RANBP2: variants seen among roughly 807,000 people sequenced by gnomAD.
The protein encoded by RANBP2 is RAN binding protein 2.
RANBP2 carries 57 observed loss-of-function variants against 303.6 expected under a neutral mutation model. That is an observed-to-expected ratio of 0.19 (90% CI 0.15 to 0.23). The LOEUF is 0.23. RANBP2 is among the 10% of genes least tolerant of loss of function. The pLI, the probability that RANBP2 is intolerant of heterozygous loss-of-function variation, is 1.00. For missense variants in RANBP2, 3,138 were observed against 3,780.8 expected (o/e 0.83, Z 4.46); for synonymous variants, 1,167 against 1,301.5 (o/e 0.90, Z 2.23).
At chr2:109,240,908 C>G in the RANBP2 span, among the ~76,000 whole-genome samples, 2 of 147,782 alleles carry the variant, frequency 1.4e-5, no homozygotes, top group Non-Finnish European at 3.0e-5. Flanking sequence ...CTGTCTTGCT[C>G]CCCGCTTCTT....
At chr2:108,845,720 C>T in the RANBP2 span, among the ~76,000 whole-genome samples, 12 of 152,054 alleles carry the variant, frequency 7.9e-5, no homozygotes, top group South Asian at 8.3e-4. Flanking sequence ...TATGGGCACC[C>T]GCCACCACGC....
the RANBP2 span, among the ~76,000 whole-genome samples, chr2:109,035,620 A>G: frequency 6.6e-6 from 1 of 152,100 alleles, no homozygotes; most frequent in Non-Finnish European, 1.5e-5. Flanking sequence ...GCCTGACAAC[A>G]AAAGGAAACC....
chr2:108,935,662 G>A, the RANBP2 span, among the ~76,000 whole-genome samples: 3 of 151,500 alleles, frequency 2.0e-5, no homozygotes, highest in Non-Finnish European at 2.9e-5. Flanking sequence ...ACACACACAC[G>A]CAGACTCTGC....
the RANBP2 span, among the ~76,000 whole-genome samples, chr2:108,944,165 G>A: frequency 6.6e-6 from 1 of 152,196 alleles, no homozygotes; most frequent in African/African-American, 2.4e-5. Context: ...CCAGGCTGGA[G>A]TGCAGTGGCA....
At chr2:109,305,635 T>G in the RANBP2 span, among the ~76,000 whole-genome samples, 1 of 152,330 alleles carries the variant, frequency 6.6e-6, no homozygotes, top group Non-Finnish European at 1.5e-5. Flanking sequence ...TCCTCTTGAC[T>G]GTGGGCCTCA....
chr2:109,274,547 T>C, the RANBP2 span, among the ~76,000 whole-genome samples: 1 of 152,242 alleles, frequency 6.6e-6, no homozygotes, highest in African/African-American at 2.4e-5. Flanking sequence ...TCACATATTG[T>C]ATGATTTCAT....
At chr2:109,486,998 A>G in the RANBP2 span, among the ~76,000 whole-genome samples, 1 of 152,198 alleles carries the variant, frequency 6.6e-6, no homozygotes, top group East Asian at 1.9e-4. Context: ...TGGAATGGAA[A>G]GTGATCCCCC....
chr2:109,346,696 G>A, the RANBP2 span, among the ~76,000 whole-genome samples: 107 of 152,210 alleles, frequency 7.0e-4, no homozygotes, highest in Admixed American at 2.7e-3. Flanking sequence ...CGGATTCTTT[G>A]ACAGGCTCCT....
At chr2:109,354,797 G>A in the RANBP2 span, among the ~76,000 whole-genome samples, 1 of 152,214 alleles carries the variant, frequency 6.6e-6, no homozygotes, top group East Asian at 1.9e-4. Context: ...CTCCCCAGGT[G>A]GAAGTGAAAA....
the RANBP2 span, among the ~76,000 whole-genome samples, chr2:109,227,728 C>G: frequency 2.0e-5 from 3 of 152,246 alleles, no homozygotes; most frequent in Non-Finnish European, 4.4e-5. Flanking sequence ...GTGCCAGAAT[C>G]TTGTGCAGTC....
At chr2:109,100,968 G>A in the RANBP2 span, among the ~76,000 whole-genome samples, 11 of 152,132 alleles carry the variant, frequency 7.2e-5, no homozygotes, top group Admixed American at 7.2e-4. Context: ...AAATCCAATG[G>A]TGCAATATCA....
the RANBP2 span, among the ~76,000 whole-genome samples, chr2:109,196,444 C>G: frequency 6.6e-6 from 1 of 152,222 alleles, no homozygotes; most frequent in Non-Finnish European, 1.5e-5. Flanking sequence ...AGCCCTTCCT[C>G]CATCCTGGGC....
chr2:109,387,702 T>A, the RANBP2 span, among the ~76,000 whole-genome samples: 5 of 152,212 alleles, frequency 3.3e-5, no homozygotes, highest in South Asian at 8.3e-4. Flanking sequence ...CCATTCAACG[T>A]CCTCTATGTA....
At chr2:108,794,182 C>A in the RANBP2 span, among the ~76,000 whole-genome samples, 1 of 152,018 alleles carries the variant, frequency 6.6e-6, no homozygotes, top group African/African-American at 2.4e-5. Flanking sequence ...GTAACACTTA[C>A]TTGCATTAGT....
chr2:108,788,950 C>A, downstream of RANBP2: 1 of 1,613,990 alleles, frequency 6.2e-7, no homozygotes, highest in Non-Finnish European at 8.5e-7. Flanking sequence ...CTTATTCAAG[C>A]ACGTAAATGT....
the RANBP2 span, among the ~76,000 whole-genome samples, chr2:108,793,564 T>C: frequency 1.3e-5 from 2 of 152,044 alleles, no homozygotes; most frequent in Non-Finnish European, 2.9e-5. Context: ...ATTTTGCTAC[T>C]ACTTATATAC....
At chr2:109,597,962 C>A in the RANBP2 span, among the ~76,000 whole-genome samples, 1 of 152,182 alleles carries the variant, frequency 6.6e-6, no homozygotes, top group Non-Finnish European at 1.5e-5. Flanking sequence ...ATTTTCCTTA[C>A]CCTGCTGGGA....
chr2:108,860,947 T>TTTTTTTTTTTTTG, the RANBP2 span, among the ~76,000 whole-genome samples: 1 of 140,872 alleles, frequency 7.1e-6, no homozygotes, highest in African/African-American at 2.5e-5. Context: ...TTTTTTTTTT[T>TTTTTTTTTTTTTG]TTTTTTTTTT....
the RANBP2 span, among the ~76,000 whole-genome samples, chr2:109,174,838 T>C: frequency 1.3e-5 from 2 of 152,326 alleles, no homozygotes; most frequent in South Asian, 2.1e-4. Flanking sequence ...AGGGATAGGA[T>C]AGCAGGAGCA....
Sources: gnomAD v4.1 joint callset for allele counts (sites outside exome capture counted in the v4.1 genomes callset) on GRCh38, gnomAD v4.1.1 for gene constraint, MANE v1.5 for transcripts, NCBI Gene and HGNC (gene_info 2026-07-23, HGNC 2026-07-21) for gene names.